NDST4: variants seen among roughly 807,000 people sequenced by gnomAD.
NDST4 encodes N-deacetylase and N-sulfotransferase 4.
A neutral mutation model predicts 100.8 loss-of-function variants in NDST4; 63 were observed. That is an observed-to-expected ratio of 0.62 (90% CI 0.51 to 0.77). The LOEUF (loss-of-function observed/expected upper bound fraction) is 0.77. Ranked by LOEUF, NDST4 falls within the 30% of genes least tolerant of loss-of-function variation. The pLI is 0.00. For synonymous variants in NDST4, 377 were observed against 361.8 expected, an observed-to-expected ratio of 1.04 and a Z score of -0.48; for missense variants, 943 against 1,018.4, an observed-to-expected ratio of 0.93 and a Z score of 1.01.
At chr4:114,858,875 T>A (rs1723858648) in intron 7 of NDST4, among the ~76,000 whole-genome samples, 1 of 152,178 alleles carries the variant, frequency 6.6e-6, no homozygotes, top group South Asian at 2.1e-4. Context: ...ACCTGGTCAC[T>A]TTGGACTTTT....
intron 2 of NDST4, among the ~76,000 whole-genome samples, chr4:115,024,448 T>C (rs1238141736): frequency 6.6e-6 from 1 of 152,108 alleles, no homozygotes; most frequent in Non-Finnish European, 1.5e-5. Flanking sequence ...TGATTTTTTT[T>C]CCCTGTTGGG....
At position 115,081,547 on chromosome 4, in the gene NDST4, T is replaced by C. The variant is rs538870317; in HGVS notation, c.-246-4265A>G. ...AACCAACATAAGAATCTTAAGTCGTTACCATAAGTCGAATAAGACAATTGA... is the reference window on the plus strand; with the variant it reads ...AACCAACATAAGAATCTTAAGTCGTCACCATAAGTCGAATAAGACAATTGA... On this transcript the variant is annotated intron_variant, in intron 1 of 13. Transcript: ENST00000264363. 4.6e-5 allele frequency among the ~76,000 whole-genome samples: 7 copies of C among 152,264 alleles called. No homozygotes were observed. The East Asian group carries it at 1.4e-3, about 29-fold the overall frequency.
At chr4:115,087,648 A>G (rs1729435123) in intron 1 of NDST4, among the ~76,000 whole-genome samples, 1 of 151,424 alleles carries the variant, frequency 6.6e-6, no homozygotes, top group Non-Finnish European at 1.5e-5. Context: ...ATTTTTTTTC[A>G]CTCCATATAA....
At chr4:114,915,823 G>T (rs1411917904) in intron 6 of NDST4, among the ~76,000 whole-genome samples, 1 of 151,834 alleles carries the variant, frequency 6.6e-6, no homozygotes, top group African/African-American at 2.4e-5. Context: ...AAAAGAAGAA[G>T]GAGGAGAAGG....
At chr4:114,958,841 A>ATTTT (rs1400699799) in intron 4 of NDST4, among the ~76,000 whole-genome samples, 9 of 152,136 alleles carry the variant, frequency 5.9e-5, no homozygotes, top group African/African-American at 1.9e-4. Flanking sequence ...AATTTTCTAA[A>ATTTT]CTTTTATGCT....
chr4:115,059,998 G>C (rs1560584404), intron 2 of NDST4, among the ~76,000 whole-genome samples: 1 of 151,862 alleles, frequency 6.6e-6, no homozygotes, highest in Non-Finnish European at 1.5e-5. Context: ...GTTTTCTTCT[G>C]TTTTCTCAGA....
intron 1 of NDST4, among the ~76,000 whole-genome samples, chr4:115,094,339 G>T (rs868456752): frequency 1.1e-4 from 17 of 152,152 alleles, no homozygotes; most frequent in Admixed American, 3.3e-4. Context: ...AAAGAATAAT[G>T]TAATTCCAAC....
intron 1 of NDST4, among the ~76,000 whole-genome samples, chr4:115,109,174 G>C (rs1729892569): frequency 6.6e-6 from 1 of 151,656 alleles, no homozygotes; most frequent in African/African-American, 2.4e-5. Context: ...AAAAGAAAGA[G>C]AAGAAAGAAA....
At chr4:115,021,821 C>G (rs993840508) in intron 2 of NDST4, among the ~76,000 whole-genome samples, 17 of 147,590 alleles carry the variant, frequency 1.2e-4, no homozygotes, top group South Asian at 2.1e-4. Context: ...ATATATATAC[C>G]TTCCACATCT....
chr4:114,969,852 T>C (rs1323660352), intron 4 of NDST4, among the ~76,000 whole-genome samples: 1 of 152,220 alleles, frequency 6.6e-6, no homozygotes, highest in East Asian at 1.9e-4. Context: ...CTCAATCAAA[T>C]GGTACTTCTG....
intron 2 of NDST4, among the ~76,000 whole-genome samples, chr4:114,994,364 T>C (rs1727114751): frequency 1.3e-5 from 2 of 152,022 alleles, no homozygotes; most frequent in Non-Finnish European, 1.5e-5. Context: ...TTTGCAAGTA[T>C]ACATACACGC....
chr4:114,960,433 C>A lies in NDST4; in HGVS notation c.1221+9997G>T, dbSNP rs559118391. ...CCAGCCTGGCCAACATGGTGAAACC[C>A]CGTCTCTATTAAAAATACAAAAATT... On this transcript the variant is annotated intron_variant, in intron 4 of 13. Coordinates refer to ENST00000264363, the MANE Select transcript of NDST4 (RefSeq NM_022569.3). Among the ~76,000 whole-genome samples the A allele has an allele frequency of 5.3e-5, 8 of 151,610 alleles. No homozygotes were observed. The East Asian group carries it at 1.6e-3, about 29-fold the overall frequency.
At chr4:114,829,746 C>T (rs772728330) in intron 13 of NDST4, 44 bp downstream of exon 13, 2 of 1,452,058 alleles carry the variant, frequency 1.4e-6, no homozygotes, top group Non-Finnish European at 1.9e-6. Flanking sequence ...TAGCTGTTTG[C>T]AAATATTTTT....
intron 4 of NDST4, among the ~76,000 whole-genome samples, chr4:114,944,797 G>C (rs532474343): frequency 6.6e-6 from 1 of 152,172 alleles, no homozygotes; most frequent in Admixed American, 6.6e-5. Context: ...ATATCCGAAA[G>C]CTTCACATGC....
intron 2 of NDST4, among the ~76,000 whole-genome samples, chr4:115,065,358 T>G (rs1258343827): frequency 6.6e-6 from 1 of 152,106 alleles, no homozygotes; most frequent in African/African-American, 2.4e-5. Context: ...AAGTTAAGAT[T>G]CAAACTCAAG....
At chr4:115,016,313 C>T (rs1727675627) in intron 2 of NDST4, among the ~76,000 whole-genome samples, 1 of 152,054 alleles carries the variant, frequency 6.6e-6, no homozygotes, top group Non-Finnish European at 1.5e-5. Flanking sequence ...TAATCTGAAT[C>T]ATTGTCCAGT....
At chr4:114,877,913 C>T (rs577494761) in intron 6 of NDST4, among the ~76,000 whole-genome samples, 1 of 146,380 alleles carries the variant, frequency 6.8e-6, no homozygotes, top group Non-Finnish European at 1.5e-5. Flanking sequence ...GATCATGCCA[C>T]TGCATTACAG....
rs1727974900 is a variant in NDST4, at chr4:115,025,962, C to T, written c.979-48688G>A. The stretch of plus-strand genomic sequence containing the variant: ...TGTCAGTTGGGTTCATCAACTAATA[C>T]TTGTATAGCCGTTGAACTAGTATTA... On this transcript the variant is annotated intron_variant, in intron 2 of 13. Coordinates refer to ENST00000264363, the MANE Select transcript of NDST4 (RefSeq NM_022569.3). Among the ~76,000 whole-genome samples, 3 of 152,136 alleles carry T rather than the reference C, an allele frequency of 2.0e-5. No homozygotes were observed. In the South Asian group the frequency reaches 6.2e-4, roughly 32 times the overall value.
intron 1 of NDST4, among the ~76,000 whole-genome samples, chr4:115,082,984 T>C (rs921993339): frequency 6.6e-6 from 1 of 152,226 alleles, no homozygotes; most frequent in Non-Finnish European, 1.5e-5. Flanking sequence ...TAAATTGGAA[T>C]GACTTAAGAA....
Sources: gnomAD v4.1 joint callset for allele counts (sites outside exome capture counted in the v4.1 genomes callset) on GRCh38, gnomAD v4.1.1 for gene constraint, MANE v1.5 for transcripts, NCBI Gene and HGNC (gene_info 2026-07-23, HGNC 2026-07-21) for gene names.